Variants in TMEM14B observed in about 807,000 individuals in gnomAD.
TMEM14B encodes the protein transmembrane protein 14B.
In TMEM14B, 9 loss-of-function variants were observed where a neutral mutation model predicts 14.8. The ratio of observed to expected loss-of-function variants is 0.61; its 90% CI spans 0.37 to 1.06. TMEM14B has a LOEUF of 1.06. TMEM14B is among the 50% of genes least tolerant of loss of function. The probability of loss-of-function intolerance (pLI) is 0.01; values close to 1 mark genes in which losing one functional copy is unlikely to be tolerated. For missense variants in TMEM14B, 128 were observed against 143.6 expected (o/e 0.89, Z 0.56); for synonymous variants, 40 against 51.3 (o/e 0.78, Z 0.94).
At chr6:10,749,887 C>T in intron 3 of TMEM14B, 189 bp downstream of exon 3, 1 of 689,022 alleles carries the variant, frequency 1.5e-6, no homozygotes. Context: ...GAAGCTGAGC[C>T]AGGCCTCTTG....
intron 4 of TMEM14B, among the ~76,000 whole-genome samples, chr6:10,753,773 C>A (rs530012089): frequency 6.6e-6 from 1 of 151,700 alleles, no homozygotes; most frequent in East Asian, 1.9e-4. Context: ...CCCTTTCTGA[C>A]TAATTCATCA....
At chr6:10,748,348 C>T (rs1771410564) in intron 1 of TMEM14B, among the ~76,000 whole-genome samples, 1 of 152,032 alleles carries the variant, frequency 6.6e-6, no homozygotes. Context: ...TGGGCTCAAG[C>T]CATCCTCCCA....
intron 4 of TMEM14B, among the ~76,000 whole-genome samples, chr6:10,752,173 T>A (rs1020986270): frequency 6.6e-6 from 1 of 151,950 alleles, no homozygotes; most frequent in African/African-American, 2.4e-5. Flanking sequence ...CTTTCTCTGA[T>A]CCTACTCCAC....
rs139416113 is a variant in TMEM14B, at chr6:10,756,835, C to T, written c.*317C>T. On this transcript the variant is annotated 3_prime_UTR_variant, in exon 6 of 6. Transcript: ENST00000379542. The stretch of plus-strand genomic sequence containing the variant: ...GTGTTGACATTGAGAACCCTGAAAC[C>T]CCATTCCCTGCTCAGAGGAACAGTG... 2 of 1,014,338 alleles carry T rather than the reference C, an allele frequency of 2.0e-6. No homozygotes were observed. Among genetic ancestry groups the T allele is most frequent in the Non-Finnish European group, 2.4e-6 (2 of 849,214 alleles). The allele number at this position is 1,014,338 out of a possible 1,614,324, so 62.8% of individuals were successfully genotyped here. A position where few individuals can be genotyped will look rare whatever the true frequency, so the allele number is the denominator to read the frequency against.
Position 10,754,806 on chromosome 6 carries a change from G to A in TMEM14B, c.203-336G>A, listed in dbSNP as rs184276369. ...TTGCATGCAGGGTAGAGGAAATAGC[G>A]TCTGCAGGGCGATAGCATCTGCAGG... On this transcript the variant is annotated intron_variant, in intron 4 of 5. Transcript: ENST00000379542. Among the ~76,000 whole-genome samples, 422 of 152,328 alleles carry A rather than the reference G, an allele frequency of 2.8e-3. 1 individual carries two copies. Among genetic ancestry groups the A allele is most frequent in the African/African-American group, 9.4e-3 (391 of 41,578 alleles).
chr6:10,758,584 G>T (rs1359862425), downstream of TMEM14B, among the ~76,000 whole-genome samples: 1 of 152,206 alleles, frequency 6.6e-6, no homozygotes, highest in Non-Finnish European at 1.5e-5. Flanking sequence ...CTGGAGTCTG[G>T]TGGAGGAGGT....
intron 4 of TMEM14B, among the ~76,000 whole-genome samples, chr6:10,754,299 G>C (rs1358836546): frequency 1.3e-5 from 2 of 152,162 alleles, no homozygotes; most frequent in Non-Finnish European, 2.9e-5. Flanking sequence ...TTGCTCTTAT[G>C]ATGAAAACCC....
intron 4 of TMEM14B, 96 bp downstream of exon 4, chr6:10,751,330 AC>A: frequency 7.2e-7 from 1 of 1,379,906 alleles, no homozygotes; most frequent in Non-Finnish European, 1.0e-6. Context: ...AGTTCTTCCC[AC>A]TTAATTTACG....
At chr6:10,749,112 G>C (rs1771449554) in intron 1 of TMEM14B, 90 bp from the exon 2 acceptor site, 3 of 797,652 alleles carry the variant, frequency 3.8e-6, no homozygotes, top group Admixed American at 2.0e-5. Flanking sequence ...CTGAGACTTA[G>C]GTTGCATAGC....
At chr6:10,753,611 CCTCCAGGCTGGA>C (rs1714528267) in intron 4 of TMEM14B, among the ~76,000 whole-genome samples, 3 of 152,088 alleles carry the variant, frequency 2.0e-5, no homozygotes, top group African/African-American at 7.2e-5. Context: ...ATTTCTCTCT[CCTCCAGGCTGGA>C]CTCTCATGTA....
chr6:10,755,529 G>C, intron 5 of TMEM14B: 1 of 1,362,142 alleles, frequency 7.3e-7, no homozygotes, highest in Non-Finnish European at 9.4e-7. Context: ...ACTTGCGGAG[G>C]ATGTGTGGGG....
chr6:10,748,678 T>A (rs1304209812), intron 1 of TMEM14B, among the ~76,000 whole-genome samples: 1 of 152,212 alleles, frequency 6.6e-6, no homozygotes, highest in Admixed American at 6.5e-5. Flanking sequence ...CACATGTGAT[T>A]CTGACTTGAG....
At position 10,749,288 on chromosome 6, in the gene TMEM14B, T is replaced by G; in HGVS notation, c.23+20T>G. 1 of 1,613,848 alleles carries G rather than the reference T, an allele frequency of 6.2e-7. No homozygotes were observed. The highest frequency in any genetic ancestry group is 8.5e-7 in the Non-Finnish European group (1 of 1,179,786). On this transcript the variant is annotated intron_variant, in intron 2 of 5. Coordinates refer to ENST00000379542, the MANE Select transcript of TMEM14B (RefSeq NM_030969.5). ...CCCATTGTGAGTAGACAGTAAATGG[T>G]TAGAGAGTAGCCAGGAGCTTCTGGA...
intron 4 of TMEM14B, 123 bp downstream of exon 4, chr6:10,751,357 C>T (rs148467156): frequency 3.7e-6 from 4 of 1,094,622 alleles, no homozygotes; most frequent in Non-Finnish European, 5.3e-6. Context: ...TTCACTGCTT[C>T]TCCAAGTCCA....
chr6:10,754,907 G>A (rs1482815885), intron 4 of TMEM14B, among the ~76,000 whole-genome samples: 1 of 152,210 alleles, frequency 6.6e-6, no homozygotes, highest in Non-Finnish European at 1.5e-5. Context: ...AAGACAAGTG[G>A]TAAGAGATGA....
chr6:10,756,351 C>T, intron 5 of TMEM14B, 116 bp from the exon 6 acceptor site: 1 of 1,250,550 alleles, frequency 8.0e-7, no homozygotes, highest in South Asian at 1.5e-5. Context: ...CCACTCTTGC[C>T]TTAGTACCTC....
intron 1 of TMEM14B, 115 bp from the exon 2 acceptor site, chr6:10,749,087 G>A (rs1044548231): frequency 3.0e-6 from 2 of 667,202 alleles, no homozygotes; most frequent in African/African-American, 1.8e-5. Flanking sequence ...TATCCTCATG[G>A]TACAGTGAAG....
At chr6:10,750,105 G>GC (rs774621152) in intron 3 of TMEM14B, 14 of 206,940 alleles carry the variant, frequency 6.8e-5, no homozygotes, top group South Asian at 1.5e-4. Flanking sequence ...GCTTGTTTTT[G>GC]CCCCCTAGTC....
chr6:10,755,804 A>AG lies in TMEM14B; in HGVS notation c.293+572_293+573insG, dbSNP rs905857590. ...ACTCCTCTCTATGAAAAATACAAAA[A>AG]TTAGGTGGGTGCGGTGGTGCACGCC... On this transcript the variant is annotated intron_variant, in intron 5 of 5. Transcript: ENST00000379542. 8 of 388,316 alleles carry AG rather than the reference A, an allele frequency of 2.1e-5. No individual in the cohort carries two copies. In the Admixed American group the frequency reaches 4.6e-4, roughly 22 times the overall value. The allele number at this position is 388,316 out of a possible 1,614,324, so 24.1% of individuals were successfully genotyped here. A position where few individuals can be genotyped will look rare whatever the true frequency, so the allele number is the denominator to read the frequency against.
Sources: allele counts gnomAD v4.1 joint callset (sites outside exome capture counted in the v4.1 genomes callset), GRCh38; gene constraint gnomAD v4.1.1; transcripts MANE v1.5; gene names NCBI Gene and HGNC (gene_info 2026-07-23, HGNC 2026-07-21).